ZFYVE16: variants seen among roughly 807,000 people sequenced by gnomAD.
ZFYVE16 encodes zinc finger FYVE-type containing 16, also known as zinc finger FYVE domain-containing protein 16.
In ZFYVE16, 89 loss-of-function variants were observed where a neutral mutation model predicts 138.1. That is an observed-to-expected ratio of 0.64 (90% CI 0.54 to 0.77). The LOEUF is 0.77. Among genes scored for constraint, ZFYVE16 ranks in the 30% least tolerant of loss-of-function variants. The pLI, the probability that ZFYVE16 is intolerant of heterozygous loss-of-function variation, is 0.00. For missense variants in ZFYVE16, 1,793 were observed against 1,786.7 expected (o/e 1.00, Z -0.06); for synonymous variants, 596 against 618.3 (o/e 0.96, Z 0.53).
intron 1 of ZFYVE16, among the ~76,000 whole-genome samples, chr5:80,422,604 G>A (rs950461903): frequency 1.3e-5 from 2 of 151,966 alleles, no homozygotes; most frequent in African/African-American, 4.8e-5. Flanking sequence ...ACAGGTGCCC[G>A]CCACCATGCC....
intron 1 of ZFYVE16, among the ~76,000 whole-genome samples, chr5:80,414,806 A>G (rs114072703): frequency 0.029 from 4,345 of 152,328 alleles, 72 homozygotes; most frequent in South Asian, 0.047. Flanking sequence ...AGAAAAGAGA[A>G]AAAAGAGCAG....
chr5:80,418,947 G>A (rs1173003626), intron 1 of ZFYVE16, among the ~76,000 whole-genome samples: 2 of 151,926 alleles, frequency 1.3e-5, no homozygotes, highest in African/African-American at 2.4e-5. Flanking sequence ...AAGGTGTAAT[G>A]TCTGTGTCTA....
intron 10 of ZFYVE16, 67 bp from the exon 11 acceptor site, chr5:80,451,418 T>G (rs1161474280): frequency 1.5e-6 from 2 of 1,332,986 alleles, no homozygotes; most frequent in African/African-American, 3.0e-5. Flanking sequence ...TTGGACAAAC[T>G]AAGAACATTT....
At chr5:80,470,652 A>G (rs1003782025) in intron 15 of ZFYVE16, among the ~76,000 whole-genome samples, 2 of 152,024 alleles carry the variant, frequency 1.3e-5, no homozygotes, top group Non-Finnish European at 1.5e-5. Flanking sequence ...GTGGGACTGC[A>G]GGTGCACACC....
At chr5:80,445,240 T>C (rs781258696) in intron 6 of ZFYVE16, 23 bp from the exon 7 acceptor site, 1 of 1,602,518 alleles carries the variant, frequency 6.2e-7, no homozygotes, top group South Asian at 1.1e-5. Context: ...ATTCAAATGT[T>C]TTACTTTTTC....
At chr5:80,450,391 A>G (rs776091617) in intron 9 of ZFYVE16, 40 bp from the exon 10 acceptor site, 1 of 1,582,720 alleles carries the variant, frequency 6.3e-7, no homozygotes, top group Non-Finnish European at 8.6e-7. Context: ...TTTGACTAAT[A>G]GAAGTTGACA....
At chr5:80,417,590 T>A (rs1420996757) in intron 1 of ZFYVE16, among the ~76,000 whole-genome samples, 1 of 152,230 alleles carries the variant, frequency 6.6e-6, no homozygotes, top group Non-Finnish European at 1.5e-5. Context: ...TCATGTAGTA[T>A]GTAAATTCTT....
At chr5:80,469,044 T>C (rs1307528866) in intron 15 of ZFYVE16, among the ~76,000 whole-genome samples, 1 of 152,014 alleles carries the variant, frequency 6.6e-6, no homozygotes, top group Non-Finnish European at 1.5e-5. Context: ...ATTCTGATAA[T>C]GGAATTTGAG....
chr5:80,476,499 G>A (rs1418097131), intron 18 of ZFYVE16, among the ~76,000 whole-genome samples: 1 of 152,174 alleles, frequency 6.6e-6, no homozygotes, highest in African/African-American at 2.4e-5. Flanking sequence ...TTAACAAGGA[G>A]TGATGATCAT....
intron 13 of ZFYVE16, 66 bp from the exon 14 acceptor site, chr5:80,456,879 C>T: frequency 3.3e-6 from 5 of 1,495,686 alleles, no homozygotes; most frequent in Non-Finnish European, 4.5e-6. Flanking sequence ...AAACGTGGCT[C>T]TTAGAATAGG....
At chr5:80,447,223 C>T (rs1259733791) in intron 7 of ZFYVE16, among the ~76,000 whole-genome samples, 3 of 130,574 alleles carry the variant, frequency 2.3e-5, no homozygotes, top group Non-Finnish European at 4.7e-5. Context: ...GCCAGGATTG[C>T]GCCAATGTAC....
At chr5:80,475,947 C>G (rs1018636709) in intron 18 of ZFYVE16, among the ~76,000 whole-genome samples, 2 of 152,090 alleles carry the variant, frequency 1.3e-5, no homozygotes, top group Middle Eastern at 6.8e-3. Context: ...GAGCTCTTTC[C>G]CTCACATCCT....
chr5:80,409,440 T>C (rs1289657196), intron 1 of ZFYVE16, among the ~76,000 whole-genome samples: 1 of 152,228 alleles, frequency 6.6e-6, no homozygotes, highest in Non-Finnish European at 1.5e-5. Context: ...TTTTGGTTCC[T>C]AATGCTGCAG....
intron 1 of ZFYVE16, among the ~76,000 whole-genome samples, chr5:80,414,201 A>G (rs1048350502): frequency 2.0e-5 from 3 of 152,012 alleles, no homozygotes; most frequent in Admixed American, 6.6e-5. Flanking sequence ...TATTTGATCT[A>G]TTAATCTCTT....
At position 80,438,839 on chromosome 5, in the gene ZFYVE16, C is replaced by T. The variant is rs201759731; in HGVS notation, c.2154C>T (p.Phe718=). 40 of 1,613,860 alleles carry T rather than the reference C, an allele frequency of 2.5e-5. No homozygotes were observed. The highest frequency in any genetic ancestry group is 2.3e-4 in the South Asian group (21 of 91,080). Residue 718 remains phenylalanine, a synonymous_variant, in exon 4 of 19, where the codon TTC becomes TTT. Transcript: ENST00000505560. ...IESNSEGGSS[F]VTANEDSVPE... The stretch of plus-strand genomic sequence containing the variant: ...GTAATTCTGAAGGTGGATCTAGTTT[C>T]GTAACTGCAAATGAAGATTCTGTAC...
At chr5:80,433,297 T>C (rs1248379980) in intron 2 of ZFYVE16, among the ~76,000 whole-genome samples, 3 of 152,156 alleles carry the variant, frequency 2.0e-5, no homozygotes, top group African/African-American at 7.2e-5. Context: ...GGGACATGGA[T>C]GAAGCTGGAA....
intron 2 of ZFYVE16, among the ~76,000 whole-genome samples, chr5:80,431,095 A>G (rs1748940613): frequency 6.6e-6 from 1 of 152,260 alleles, no homozygotes; most frequent in South Asian, 2.1e-4. Flanking sequence ...TTATGAGGCC[A>G]GCATCATCCT....
intron 1 of ZFYVE16, among the ~76,000 whole-genome samples, chr5:80,412,071 G>C: frequency 6.6e-6 from 1 of 152,202 alleles, no homozygotes; most frequent in South Asian, 2.1e-4. Flanking sequence ...TGAGACCACA[G>C]GCGGGCATCA....
intron 3 of ZFYVE16, among the ~76,000 whole-genome samples, chr5:80,434,936 A>G (rs1210262043): frequency 1.3e-5 from 2 of 152,084 alleles, no homozygotes; most frequent in African/African-American, 4.8e-5. Flanking sequence ...ATGTCAGCTC[A>G]CTGCAACCTC....
Sources: gnomAD v4.1 joint callset for allele counts (sites outside exome capture counted in the v4.1 genomes callset) on GRCh38, gnomAD v4.1.1 for gene constraint, MANE v1.5 for transcripts, NCBI Gene and HGNC (gene_info 2026-07-23, HGNC 2026-07-21) for gene names.